FSTL4: variants seen among roughly 807,000 people sequenced by gnomAD.
The protein encoded by FSTL4 is follistatin like 4.
A neutral mutation model predicts 78.2 loss-of-function variants in FSTL4; 28 were observed. That is an observed-to-expected ratio of 0.36 (90% CI 0.27 to 0.49). FSTL4 has a LOEUF of 0.49. FSTL4 is among the 20% of genes least tolerant of loss of function. The pLI is 0.98. For synonymous variants in FSTL4, 422 were observed against 440.5 expected (o/e 0.96, Z 0.53); for missense variants, 922 against 1,084.9 (o/e 0.85, Z 2.11).
intron 3 of FSTL4, among the ~76,000 whole-genome samples, chr5:133,531,710 G>C (rs1339615556): frequency 6.6e-6 from 1 of 152,194 alleles, no homozygotes; most frequent in Non-Finnish European, 1.5e-5. Flanking sequence ...TGCCAGTCAA[G>C]CTTTAGTTTA....
In FSTL4 at chr5:133,522,645, C is replaced by A. The variant is rs58995695; in HGVS notation, c.160+44541G>T. On this transcript the variant is annotated intron_variant, in intron 3 of 15. Coordinates refer to ENST00000265342, the MANE Select transcript of FSTL4 (RefSeq NM_015082.2). ...TTCACATTTCCTATCTCAGTGGCTG[C>A]CACTTTTTAAATTAAGCTAATTGAT... is the stretch of plus-strand genomic sequence containing the variant. 6.6e-3 allele frequency among the ~76,000 whole-genome samples: 1,009 copies of A among 152,304 alleles called. 11 individuals are homozygous for A. Among genetic ancestry groups the A allele is most frequent in the African/African-American group, 0.023 (967 of 41,552 alleles).
the FSTL4 span, among the ~76,000 whole-genome samples, chr5:133,828,503 C>T: frequency 6.6e-6 from 1 of 152,182 alleles, no homozygotes; most frequent in African/African-American, 2.4e-5. Context: ...CACTCTTAAT[C>T]TCAGATCGCT....
intron 3 of FSTL4, among the ~76,000 whole-genome samples, chr5:133,542,033 A>G (rs1263394178): frequency 2.0e-5 from 3 of 152,104 alleles, no homozygotes; most frequent in Admixed American, 1.3e-4. Context: ...CCCACTTTCC[A>G]TATCTGTAAA....
intron 3 of FSTL4, among the ~76,000 whole-genome samples, chr5:133,466,333 G>C (rs746893166): frequency 7.9e-5 from 12 of 152,168 alleles, no homozygotes; most frequent in Non-Finnish European, 1.6e-4. Flanking sequence ...ATGGGGTCAG[G>C]AGATCGAGAC....
chr5:133,696,600 A>T, the FSTL4 span, among the ~76,000 whole-genome samples: 5 of 152,252 alleles, frequency 3.3e-5, no homozygotes, highest in Non-Finnish European at 7.3e-5. Flanking sequence ...CACTTCTCTG[A>T]CATGTGGCTG....
At chr5:133,294,781 C>A (rs563023135) in intron 6 of FSTL4, among the ~76,000 whole-genome samples, 1 of 152,158 alleles carries the variant, frequency 6.6e-6, no homozygotes, top group African/African-American at 2.4e-5. Context: ...TCAGCCCCAC[C>A]GGGAATCTAC....
intron 3 of FSTL4, among the ~76,000 whole-genome samples, chr5:133,515,036 G>T (rs1758825234): frequency 6.6e-6 from 1 of 151,980 alleles, no homozygotes; most frequent in Non-Finnish European, 1.5e-5. Context: ...CCTAAGAAAA[G>T]AAAATTAACA....
the FSTL4 span, among the ~76,000 whole-genome samples, chr5:133,790,552 A>C: frequency 6.6e-6 from 1 of 152,116 alleles, no homozygotes; most frequent in African/African-American, 2.4e-5. Flanking sequence ...TGGCTCCTAC[A>C]TTTCCATCTC....
intron 3 of FSTL4, among the ~76,000 whole-genome samples, chr5:133,563,175 T>C (rs1759956667): frequency 6.6e-6 from 1 of 152,146 alleles, no homozygotes; most frequent in African/African-American, 2.4e-5. Flanking sequence ...TGGGGAGGCA[T>C]GCACCCTTCC....
At chr5:133,466,580 TACTC>T (rs1487742712) in intron 3 of FSTL4, among the ~76,000 whole-genome samples, 2 of 152,142 alleles carry the variant, frequency 1.3e-5, no homozygotes, top group Non-Finnish European at 2.9e-5. Context: ...TCCTCAGGGT[TACTC>T]ATTCATTCAA....
intron 7 of FSTL4, chr5:133,248,528 C>T (rs749618028): frequency 2.6e-5 from 4 of 152,218 alleles, no homozygotes; most frequent in Non-Finnish European, 5.9e-5. Flanking sequence ...ACCTCTTGTG[C>T]CAAACCTGGA....
the FSTL4 span, among the ~76,000 whole-genome samples, chr5:133,651,864 T>A: frequency 6.6e-6 from 1 of 152,166 alleles, no homozygotes; most frequent in Non-Finnish European, 1.5e-5. Flanking sequence ...CTTTATATAA[T>A]TTTTTCCTTA....
intron 11 of FSTL4, among the ~76,000 whole-genome samples, chr5:133,222,293 C>T (rs1188282825): frequency 6.6e-6 from 1 of 152,080 alleles, no homozygotes; most frequent in African/African-American, 2.4e-5. Context: ...CGCTGGGCAG[C>T]CTGTTTCTCA....
At chr5:133,367,220 C>T (rs1561688556) in intron 4 of FSTL4, among the ~76,000 whole-genome samples, 1 of 152,184 alleles carries the variant, frequency 6.6e-6, no homozygotes, top group Admixed American at 6.5e-5. Flanking sequence ...ATAGGCCCTA[C>T]AGGGAATAAA....
chr5:133,354,198 T>G (rs1280676092), intron 4 of FSTL4, among the ~76,000 whole-genome samples: 21 of 149,662 alleles, frequency 1.4e-4, no homozygotes, highest in African/African-American at 2.7e-4. Context: ...GCACAGGGAG[T>G]TGATGATGCT....
chr5:133,495,063 T>C (rs773508081), intron 3 of FSTL4, among the ~76,000 whole-genome samples: 2 of 152,194 alleles, frequency 1.3e-5, no homozygotes, highest in Non-Finnish European at 2.9e-5. Flanking sequence ...TCTTGTCCCA[T>C]AGCATCCTGA....
At chr5:133,561,357 C>A (rs749267478) in intron 3 of FSTL4, among the ~76,000 whole-genome samples, 6 of 152,226 alleles carry the variant, frequency 3.9e-5, no homozygotes, top group African/African-American at 1.4e-4. Flanking sequence ...AATATGTCCA[C>A]GAGGCTGTGT....
At chr5:133,468,406 G>A (rs1005805374) in intron 3 of FSTL4, among the ~76,000 whole-genome samples, 24 of 152,336 alleles carry the variant, frequency 1.6e-4, no homozygotes, top group African/African-American at 5.8e-4. Context: ...CTGTATTTTG[G>A]TTCATTTCCA....
At position 133,239,345 on chromosome 5, in the gene FSTL4, G is replaced by A. The variant is rs533805215; in HGVS notation, c.895-5808C>T. ...AACCACCCAAGGGCTGAGGAGTGCG[G>A]GCGCACGGCACGGGACTGGCAGGCA... On this transcript the variant is annotated intron_variant, in intron 7 of 15. Transcript: ENST00000265342. 5.3e-5 allele frequency among the ~76,000 whole-genome samples: 8 copies of A among 152,258 alleles called. No individual in the cohort carries two copies. The East Asian group carries it at 1.5e-3, about 29-fold the overall frequency.
Sources: gnomAD v4.1 joint callset for allele counts (sites outside exome capture counted in the v4.1 genomes callset) on GRCh38, gnomAD v4.1.1 for gene constraint, MANE v1.5 for transcripts, NCBI Gene and HGNC (gene_info 2026-07-23, HGNC 2026-07-21) for gene names.